NR1D2: variants seen among roughly 807,000 people sequenced by gnomAD.
The protein encoded by NR1D2 is V-erbA-related protein 1-related.
NR1D2 carries 25 observed loss-of-function variants against 52.2 expected under a neutral mutation model. That is an observed-to-expected ratio of 0.48 (90% CI 0.35 to 0.67). The LOEUF (loss-of-function observed/expected upper bound fraction) is 0.67, where lower values mean the gene tolerates loss of function less well. Ranked by LOEUF, NR1D2 falls within the 30% of genes least tolerant of loss-of-function variation. The pLI is 0.01. For missense variants in NR1D2, 681 were observed against 707.2 expected (o/e 0.96, Z 0.42); for synonymous variants, 259 against 230.1 (o/e 1.13, Z -1.14).
intron 6 of NR1D2, among the ~76,000 whole-genome samples, chr3:23,966,242 C>G (rs1176416444): frequency 6.6e-6 from 1 of 152,196 alleles, no homozygotes; most frequent in Non-Finnish European, 1.5e-5. Flanking sequence ...TGAGCCAGGG[C>G]TATATTTTCA....
In NR1D2 at chr3:23,977,221, A is replaced by AGATCGATCT; in HGVS notation, c.1544_1552dup. ...TATTTCCCTATTCCTGATCTCTCTT[A>AGATCGATCT]GATCGATCTGGAATAGAAAACGTCA... On this transcript the variant is annotated splice_acceptor_variant, in intron 7 of 7. Transcript: ENST00000312521. LOFTEE classifies it high-confidence loss of function. The AGATCGATCT allele has an allele frequency of 6.5e-7, 1 of 1,541,626 alleles. No individual in the cohort carries two copies. Among genetic ancestry groups the AGATCGATCT allele is most frequent in the South Asian group, 1.2e-5 (1 of 82,558 alleles).
rs757833189 is a variant in NR1D2, at chr3:23,962,582, A to G, written c.1123A>G (p.Asn375Asp). Residue 375 changes from asparagine to aspartate, a missense_variant, in exon 5 of 8, where the codon AAC (asparagine) becomes GAC (aspartate). By Grantham distance (23) the Asn-to-Asp change is conservative. Transcript: ENST00000312521. ...QNENKNSYLCNTGGRMHLVCP... is the reference protein window; with the variant it reads ...QNENKNSYLCDTGGRMHLVCP... Reference sequence around the variant, plus strand: ...TGAGAACAAGAATAGTTACCTGTGCAACACTGGAGGAAGAATGCATCTGGT... The same window carrying G: ...TGAGAACAAGAATAGTTACCTGTGCGACACTGGAGGAAGAATGCATCTGGT... The G allele has an allele frequency of 1.2e-6, 2 of 1,604,704 alleles. No homozygotes were observed. The highest frequency in any genetic ancestry group is 3.4e-5 in the Admixed American group (2 of 59,660).
chr3:23,946,216 A>G, intron 1 of NR1D2: 3 of 985,374 alleles, frequency 3.0e-6, no homozygotes, highest in Non-Finnish European at 3.6e-6. Flanking sequence ...GGGCGCTGAC[A>G]CCGCAGTGCA....
At chr3:23,952,741 AT>A (rs1397529160) in intron 1 of NR1D2, among the ~76,000 whole-genome samples, 1 of 151,312 alleles carries the variant, frequency 6.6e-6, no homozygotes, top group Admixed American at 6.6e-5. Context: ...AAAAAAAAAA[AT>A]CGTGTCTGAT....
Position 23,945,756 on chromosome 3 carries a change from C to T in NR1D2, c.16+162C>T, listed in dbSNP as rs562579895. ...CTCTGGCTCGGTTCCCATCGCCCCC[C>T]GGGCCGCCCGGCGCCCGCCCTCTTG... is the stretch of plus-strand genomic sequence containing the variant. On this transcript the variant is annotated intron_variant, in intron 1 of 7. Coordinates refer to ENST00000312521, the MANE Select transcript of NR1D2 (RefSeq NM_005126.5). Among the ~76,000 whole-genome samples the T allele has an allele frequency of 4.7e-5, 7 of 150,376 alleles. No individual in the cohort carries two copies. The South Asian group carries it at 1.5e-3, about 31-fold the overall frequency.
chr3:23,956,787 T>A (rs1189478351), intron 3 of NR1D2, among the ~76,000 whole-genome samples: 1 of 152,214 alleles, frequency 6.6e-6, no homozygotes, highest in East Asian at 1.9e-4. Context: ...TTCTCTCTTT[T>A]TAAAAAACTT....
intron 1 of NR1D2, chr3:23,946,432 G>A (rs949819352): frequency 4.4e-5 from 16 of 367,400 alleles, no homozygotes; most frequent in Non-Finnish European, 5.3e-5. Context: ...AAGGAGCTCT[G>A]AGGTGCTTCG....
chr3:23,953,304 C>T (rs1055579647), intron 1 of NR1D2, among the ~76,000 whole-genome samples: 1 of 130,634 alleles, frequency 7.7e-6, no homozygotes, highest in South Asian at 2.4e-4. Context: ...GATTGTGACA[C>T]TGCACTCCGG....
intron 1 of NR1D2, among the ~76,000 whole-genome samples, chr3:23,952,542 T>G (rs1473550125): frequency 6.6e-6 from 1 of 151,396 alleles, no homozygotes; most frequent in Non-Finnish European, 1.5e-5. Context: ...AAACCCTGTC[T>G]CTACTAAAAA....
Position 23,962,450 on chromosome 3 carries a change from CCAAATGGTCATGCCATTTGTATTG to C in NR1D2, c.999_1022del (p.Ala335_His342del). The C allele has an allele frequency of 6.2e-7, 1 of 1,614,074 alleles. No homozygotes were observed. Among genetic ancestry groups the C allele is most frequent in the Non-Finnish European group, 8.5e-7 (1 of 1,179,990 alleles). ...CAAAGGGAGGAATATAATGCATTAC[CCAAATGGTCATGCCATTTGTATTG>C]CAAATGGACATTGTATGAACTTCTC... On this transcript the variant is annotated inframe_deletion, in exon 5 of 8. Coordinates refer to ENST00000312521, the MANE Select transcript of NR1D2 (RefSeq NM_005126.5).
At chr3:23,950,061 A>T (rs1429948582) in intron 1 of NR1D2, among the ~76,000 whole-genome samples, 1 of 152,246 alleles carries the variant, frequency 6.6e-6, no homozygotes, top group Non-Finnish European at 1.5e-5. Context: ...AGGGTTTCAA[A>T]GAGGTACATA....
rs144676268 is a variant in NR1D2, at chr3:23,980,269, T to C, written c.*2850T>C. The C allele has an allele frequency of 9.9e-5, 15 of 152,278 alleles. No individual in the cohort carries two copies. In the East Asian group the frequency reaches 1.9e-3, roughly 20 times the overall value. The allele number at this position is 152,278 out of a possible 1,614,324, so 9.4% of individuals were successfully genotyped here. A position where few individuals can be genotyped will look rare whatever the true frequency, so the allele number is the denominator to read the frequency against. On this transcript the variant is annotated 3_prime_UTR_variant, in exon 8 of 8. Coordinates refer to ENST00000312521, the MANE Select transcript of NR1D2 (RefSeq NM_005126.5). ...CGAAAGTAAATACCTATCTCAATTA[T>C]TCTTTTTCTTTTCCAATATAAAGTT...
In NR1D2 at chr3:23,979,405, A is replaced by T. The variant is rs1174746200; in HGVS notation, c.*1986A>T. The T allele has an allele frequency of 6.6e-6, 1 of 152,080 alleles. No homozygotes were observed. The highest frequency in any genetic ancestry group is 1.9e-4 in the East Asian group (1 of 5,204). 9.4% of individuals were successfully genotyped at this position (152,080 alleles called of 1,614,324 possible). ...TAGAAACAGCTTTTTGAAGTAATGA[A>T]AACCTCAAAAGATCATGTTGATTCT... is the stretch of plus-strand genomic sequence containing the variant. On this transcript the variant is annotated 3_prime_UTR_variant, in exon 8 of 8. Coordinates refer to ENST00000312521, the MANE Select transcript of NR1D2 (RefSeq NM_005126.5).
At chr3:23,957,095 G>A (rs1230643824) in intron 3 of NR1D2, among the ~76,000 whole-genome samples, 2 of 151,798 alleles carry the variant, frequency 1.3e-5, no homozygotes, top group Non-Finnish European at 2.9e-5. Context: ...TGATTCTCCT[G>A]TCTCAGCCTC....
chr3:23,963,129 A>AT, intron 5 of NR1D2: 1 of 453,716 alleles, frequency 2.2e-6, no homozygotes, highest in Non-Finnish European at 3.7e-6. Flanking sequence ...ATTTCTAAGG[A>AT]TTTTCTCAGA....
At chr3:23,958,504 G>C (rs545296818) in intron 3 of NR1D2, among the ~76,000 whole-genome samples, 227 of 152,198 alleles carry the variant, frequency 1.5e-3, no homozygotes, top group African/African-American at 5.1e-3. Flanking sequence ...AGCTGGATGT[G>C]GTAGCACATG....
At chr3:23,953,291 C>T (rs566022464) in intron 1 of NR1D2, among the ~76,000 whole-genome samples, 13 of 126,982 alleles carry the variant, frequency 1.0e-4, no homozygotes, top group African/African-American at 2.7e-4. Flanking sequence ...TGCTGTAAGT[C>T]GAGATTGTGA....
At chr3:23,967,756 T>A in intron 6 of NR1D2, 57 bp from the exon 7 acceptor site, 1 of 1,353,740 alleles carries the variant, frequency 7.4e-7, no homozygotes, top group South Asian at 1.3e-5. Flanking sequence ...AATACTAAGT[T>A]ATTTTTTTAT....
chr3:23,952,842 G>A (rs1237552819), intron 1 of NR1D2, among the ~76,000 whole-genome samples: 1 of 151,978 alleles, frequency 6.6e-6, no homozygotes, highest in African/African-American at 2.4e-5. Flanking sequence ...TTGTGGTTGT[G>A]CTTTCCTCCT....
Sources: gnomAD v4.1 joint callset for allele counts (sites outside exome capture counted in the v4.1 genomes callset) on GRCh38, gnomAD v4.1.1 for gene constraint, MANE v1.5 for transcripts, NCBI Gene and HGNC (gene_info 2026-07-23, HGNC 2026-07-21) for gene names.